Variants in TNRC18 observed in about 807,000 individuals in gnomAD.
The protein encoded by TNRC18 is trinucleotide repeat-containing gene 18 protein.
Under a neutral mutation model 226.7 loss-of-function variants are expected in TNRC18, and 69 were observed. The ratio of observed to expected loss-of-function variants is 0.30; its 90% CI spans 0.25 to 0.37. The LOEUF (loss-of-function observed/expected upper bound fraction) is 0.37, where lower values mean the gene tolerates loss of function less well. Among genes scored for constraint, TNRC18 ranks in the 10% least tolerant of loss-of-function variants. TNRC18 has a pLI of 1.00. For synonymous variants in TNRC18, 2,449 were observed against 1,927.6 expected (o/e 1.27, Z -7.09); for missense variants, 4,754 against 4,256.6 (o/e 1.12, Z -3.25).
intron 2 of TNRC18, among the ~76,000 whole-genome samples, chr7:5,400,653 G>A (rs1178678053): frequency 1.3e-5 from 2 of 152,128 alleles, no homozygotes; most frequent in Non-Finnish European, 2.9e-5. Context: ...GATAGCTGGT[G>A]ATTACACAGG....
intron 27 of TNRC18, among the ~76,000 whole-genome samples, chr7:5,311,819 TAAAAA>T (rs11366632): frequency 1.4e-5 from 2 of 140,404 alleles, no homozygotes; most frequent in Admixed American, 7.1e-5. Context: ...TCCTGTCTCT[TAAAAA>T]AAAAAAAAGA....
intron 19 of TNRC18, among the ~76,000 whole-genome samples, chr7:5,330,569 G>A (rs1276465030): frequency 6.6e-6 from 1 of 152,062 alleles, no homozygotes; most frequent in Non-Finnish European, 1.5e-5. Context: ...GCCACCTATA[G>A]AGAGCGGTTC....
chr7:5,415,482 T>C (rs1039502707), intron 2 of TNRC18, among the ~76,000 whole-genome samples: 10 of 150,342 alleles, frequency 6.7e-5, no homozygotes, highest in African/African-American at 2.5e-4. Context: ...GTTCAAGTGA[T>C]TCTCCTGCTT....
intron 11 of TNRC18, among the ~76,000 whole-genome samples, chr7:5,364,714 G>T (rs1301857652): frequency 6.9e-6 from 1 of 144,510 alleles, no homozygotes. Flanking sequence ...TGAGGCACCA[G>T]AATCGCTTGA....
chr7:5,396,794 G>A (rs1166592375), intron 2 of TNRC18, among the ~76,000 whole-genome samples: 1 of 152,074 alleles, frequency 6.6e-6, no homozygotes, highest in Non-Finnish European at 1.5e-5. Context: ...GGAGATGTGG[G>A]CTCCTAGATG....
chr7:5,307,940 A>G lies in TNRC18; in HGVS notation c.*166T>C, dbSNP rs746535155. ...TGTGCACATGCGTGCACACACGTGC[A>G]TGCACACACACTCACCCGGGCATCC... On this transcript the variant is annotated 3_prime_UTR_variant, in exon 30 of 30. Transcript: ENST00000430969. 3.1e-6 allele frequency: 2 copies of G among 639,932 alleles called. No individual in the cohort carries two copies. Among genetic ancestry groups the G allele is most frequent in the East Asian group, 2.7e-5 (1 of 36,450 alleles). 39.6% of individuals were successfully genotyped at this position (639,932 alleles called of 1,614,324 possible). A position where few individuals can be genotyped will look rare whatever the true frequency, so the allele number is the denominator to read the frequency against.
At chr7:5,408,172 G>C (rs904196134) in intron 2 of TNRC18, among the ~76,000 whole-genome samples, 1 of 151,880 alleles carries the variant, frequency 6.6e-6, no homozygotes, top group Non-Finnish European at 1.5e-5. Context: ...GGTGGCGCGC[G>C]CCTCTAGTCC....
chr7:5,350,816 G>A (rs1791718153), intron 17 of TNRC18, among the ~76,000 whole-genome samples: 1 of 152,170 alleles, frequency 6.6e-6, no homozygotes, highest in Non-Finnish European at 1.5e-5. Flanking sequence ...CTGGGACCAG[G>A]CCAGCCTCTC....
At position 5,380,777 on chromosome 7, in the gene TNRC18, C is replaced by T. The variant is rs371338678; in HGVS notation, c.2153-2753G>A. ...CAGGTCTCAGGCAGGACTGGGGCAA[C>T]GGAGGGCCACTCCAGAGTCCCACAG... On this transcript the variant is annotated intron_variant, in intron 5 of 29. Coordinates refer to ENST00000430969, the MANE Select transcript of TNRC18 (RefSeq NM_001080495.3). 7.2e-5 allele frequency among the ~76,000 whole-genome samples: 11 copies of T among 152,278 alleles called. 1 individual carries two copies. The East Asian group carries it at 9.7e-4, about 13-fold the overall frequency.
intron 24 of TNRC18, 117 bp downstream of exon 24, chr7:5,320,201 G>T: frequency 1.3e-6 from 1 of 785,084 alleles, no homozygotes; most frequent in Non-Finnish European, 2.1e-6. Flanking sequence ...ACAGTTTTCA[G>T]TTATGTGAGC....
intron 2 of TNRC18, among the ~76,000 whole-genome samples, chr7:5,414,937 A>C (rs975335765): frequency 1.3e-5 from 2 of 152,196 alleles, no homozygotes; most frequent in Non-Finnish European, 2.9e-5. Flanking sequence ...GCATTTTTCC[A>C]GTCTCTTTTA....
intron 2 of TNRC18, among the ~76,000 whole-genome samples, chr7:5,419,388 T>C (rs1782395513): frequency 6.6e-6 from 1 of 151,844 alleles, no homozygotes; most frequent in African/African-American, 2.4e-5. Context: ...GAGACCCGGG[T>C]ACCGATTCCC....
intron 2 of TNRC18, among the ~76,000 whole-genome samples, chr7:5,414,426 T>G (rs1782034374): frequency 6.6e-6 from 1 of 151,928 alleles, no homozygotes; most frequent in African/African-American, 2.4e-5. Flanking sequence ...TTTTGTTTTT[T>G]TTTTGAGACG....
intron 26 of TNRC18, among the ~76,000 whole-genome samples, chr7:5,314,532 C>T (rs1391935018): frequency 3.3e-5 from 5 of 149,366 alleles, no homozygotes; most frequent in African/African-American, 9.9e-5. Flanking sequence ...CTGGTCAGAA[C>T]GGCCCTGCAG....
chr7:5,365,332 T>C (rs1451231133), intron 11 of TNRC18, among the ~76,000 whole-genome samples: 1 of 152,104 alleles, frequency 6.6e-6, no homozygotes, highest in African/African-American at 2.4e-5. Flanking sequence ...AGGCTGGTCT[T>C]GAACTCCTGG....
Position 5,308,151 on chromosome 7 carries a change from G to A in TNRC18, c.8862C>T (p.Thr2954=). The A allele has an allele frequency of 6.4e-7, 1 of 1,569,298 alleles. No homozygotes were observed. Among genetic ancestry groups the A allele is most frequent in the Non-Finnish European group, 8.6e-7 (1 of 1,158,260 alleles). The change falls in exon 30 of 30, where the codon ACC becomes ACT. Residue 2954 remains threonine (T), a synonymous_variant. Coordinates refer to ENST00000430969, the MANE Select transcript of TNRC18 (RefSeq NM_001080495.3). ...LYYLAGTYEP[T]TGMIFSTDGV... ...CGTCCGTGGAGAAGATCATGCCCGT[G>A]GTGGGCTCGTAGGTGCCCGCGAGGT... is the stretch of plus-strand genomic sequence containing the variant.
At chr7:5,339,113 C>A (rs1436202730) in intron 18 of TNRC18, among the ~76,000 whole-genome samples, 3 of 151,686 alleles carry the variant, frequency 2.0e-5, no homozygotes, top group Non-Finnish European at 2.9e-5. Context: ...GCCTGGGCAA[C>A]AGAGCGAGAC....
In TNRC18 at chr7:5,345,823, A is replaced by C; in HGVS notation, c.5471-13T>G. 2.6e-6 allele frequency: 4 copies of C among 1,537,910 alleles called. No individual in the cohort carries two copies. The highest frequency in any genetic ancestry group is 3.5e-6 in the Non-Finnish European group (4 of 1,145,098). ...TCCGAGCTCTCATCTGGCGTGCAGAAAACAGGGACCGAGTCAGAGCCTTGG... is the reference window on the plus strand; with the variant it reads ...TCCGAGCTCTCATCTGGCGTGCAGACAACAGGGACCGAGTCAGAGCCTTGG... On this transcript the variant is annotated splice_polypyrimidine_tract_variant and intron_variant, in intron 17 of 29. Transcript: ENST00000430969.
chr7:5,316,440 T>C (rs4236386), intron 24 of TNRC18, among the ~76,000 whole-genome samples: 130,292 of 151,896 alleles, frequency 0.86, 56,015 homozygotes, highest in East Asian at 0.97. Flanking sequence ...CCACCATGCC[T>C]GGCTAATTCT....
Sources: allele counts gnomAD v4.1 joint callset (sites outside exome capture counted in the v4.1 genomes callset), GRCh38; gene constraint gnomAD v4.1.1; transcripts MANE v1.5; gene names NCBI Gene and HGNC (gene_info 2026-07-23, HGNC 2026-07-21).